Variants in CHD1L observed in about 807,000 individuals in gnomAD.
CHD1L encodes chromodomain helicase DNA binding protein 1 like, also known as ATP-dependent chromatin remodeler CHD1L.
A neutral mutation model predicts 115.9 loss-of-function variants in CHD1L; 118 were observed. That is an observed-to-expected ratio of 1.02 (90% CI 0.88 to 1.19). CHD1L has a LOEUF of 1.19. Ranked by LOEUF, CHD1L falls within the 50% of genes most tolerant of loss-of-function variation. CHD1L has a pLI of 0.00. For synonymous variants in CHD1L, 411 were observed against 387.1 expected (o/e 1.06, Z -0.72); for missense variants, 1,179 against 1,065.3 (o/e 1.11, Z -1.49).
the CHD1L span, chr1:147,187,079 C>T: frequency 6.2e-7 from 1 of 1,614,048 alleles, no homozygotes; most frequent in Non-Finnish European, 8.5e-7. Context: ...GGGCCCTGTA[C>T]ACGATAGTGG....
chr1:147,255,991 C>T, intron 4 of CHD1L, 64 bp downstream of exon 4: 1 of 1,112,768 alleles, frequency 9.0e-7, no homozygotes, highest in Non-Finnish European at 1.3e-6. Context: ...GTAGAGTCTG[C>T]TGAAATTATA....
intron 15 of CHD1L, among the ~76,000 whole-genome samples, chr1:147,283,909 T>C (rs1260649965): frequency 6.6e-6 from 1 of 152,214 alleles, no homozygotes; most frequent in African/African-American, 2.4e-5. Flanking sequence ...AAGAATATTG[T>C]AAATCCAAGG....
At chr1:147,267,224 T>C (rs1463304659) in intron 8 of CHD1L, among the ~76,000 whole-genome samples, 1 of 152,228 alleles carries the variant, frequency 6.6e-6, no homozygotes, top group African/African-American at 2.4e-5. Flanking sequence ...TGAGGGTCTT[T>C]CTTAAAACAA....
At chr1:147,194,335 C>T in the CHD1L span, among the ~76,000 whole-genome samples, 2 of 152,200 alleles carry the variant, frequency 1.3e-5, no homozygotes, top group Non-Finnish European at 2.9e-5. Flanking sequence ...GCAACCCCTG[C>T]CTTTTTTTGT....
At position 147,264,531 on chromosome 1, in the gene CHD1L, A is replaced by G. The variant is rs782636756; in HGVS notation, c.686A>G (p.Glu229Gly). The G allele has an allele frequency of 6.2e-6, 10 of 1,613,962 alleles. No homozygotes were observed. The Admixed American group carries it at 1.5e-4, about 24-fold the overall frequency. The change falls in exon 7 of 23, where the codon GAG becomes GGG. Residue 229 changes from glutamate (E) to glycine (G), a missense_variant. By Grantham distance (98) the Glu-to-Gly change is moderately conservative (BLOSUM62 -2). Transcript: ENST00000369258. ...GAGCCTGATCTCTTTTCCAAGGAAG[A>G]GGTGGGAGATTTTATTCAACGCTAC... ...FVEPDLFSKE[E>G]VGDFIQRYQD...
In CHD1L at chr1:147,276,313, G is replaced by A. The variant is rs1250767599; in HGVS notation, c.1539+56G>A. ...GAATATACCAATACCCTTTGTGGAG[G>A]AGAATGTAAATGAAAAGAACCAGCA... is the stretch of plus-strand genomic sequence containing the variant. On this transcript the variant is annotated intron_variant, in intron 14 of 22. Coordinates refer to ENST00000369258, the MANE Select transcript of CHD1L (RefSeq NM_004284.6). 3 of 1,568,050 alleles carry A rather than the reference G, an allele frequency of 1.9e-6. No homozygotes were observed. In the East Asian group the frequency reaches 6.8e-5, roughly 35 times the overall value.
intron 14 of CHD1L, among the ~76,000 whole-genome samples, chr1:147,279,482 G>A (rs782518449): frequency 8.5e-5 from 13 of 152,152 alleles, no homozygotes; most frequent in Non-Finnish European, 1.5e-4. Flanking sequence ...AAAGGCCTTC[G>A]GGTCTGGTGG....
rs782519428 is a variant in CHD1L at position 147,255,869 on chromosome 1, GC to G, written c.406del (p.Leu136PhefsTer5). 1 of 1,613,878 alleles carries G rather than the reference GC, an allele frequency of 6.2e-7. No individual in the cohort carries two copies. The highest frequency in any genetic ancestry group is 8.5e-7 in the Non-Finnish European group (1 of 1,179,850). ...GCAGGCGACAAGGAGGAAAGAGCCT[GC>G]CTTCAGCAAGACCTGAAACAGGAGT... ...TYAGDKEERACLQQDLKQESR... is the reference protein window; with the variant it reads ...TYAGDKEERAXLQQDLKQESR... On this transcript the variant is annotated frameshift_variant, in exon 4 of 23. Transcript: ENST00000369258. LOFTEE classifies it high-confidence loss of function.
chr1:147,279,921 G>A, intron 14 of CHD1L, 105 bp from the exon 15 acceptor site: 2 of 1,168,638 alleles, frequency 1.7e-6, no homozygotes, highest in Non-Finnish European at 1.2e-6. Context: ...CTGTTCATTA[G>A]AGAAGGACTG....
the CHD1L span, chr1:147,203,214 G>A: frequency 2.4e-5 from 21 of 876,952 alleles, no homozygotes; most frequent in Non-Finnish European, 3.2e-5. Context: ...AAAACATCAC[G>A]CGATTCTTAG....
rs375996768 is a variant in CHD1L, at chr1:147,276,187, C to T, written c.1469C>T (p.Thr490Ile). 45 of 1,614,072 alleles carry T rather than the reference C, an allele frequency of 2.8e-5. No individual in the cohort carries two copies. The highest frequency in any genetic ancestry group is 3.5e-5 in the Non-Finnish European group (41 of 1,180,026). The change falls in exon 14 of 23, where the codon ACC becomes ATC. Residue 490 changes from threonine (T) to isoleucine (I), a missense_variant. Thr to Ile is a moderately conservative substitution (Grantham distance 89). Coordinates refer to ENST00000369258, the MANE Select transcript of CHD1L (RefSeq NM_004284.6). ...AAAGCAGCCTCCAAACTGCAGCTCA[C>T]CAACATGATCATAGAAGGAGGCCAT... ...YRKAASKLQL[T>I]NMIIEGGHFT...
At chr1:147,277,361 T>C (rs1216955450) in intron 14 of CHD1L, among the ~76,000 whole-genome samples, 1 of 152,158 alleles carries the variant, frequency 6.6e-6, no homozygotes, top group Non-Finnish European at 1.5e-5. Context: ...AAGTTTGTAA[T>C]TAGTCTGAAA....
At chr1:147,215,737 C>A in the CHD1L span, 3 of 1,559,938 alleles carry the variant, frequency 1.9e-6, no homozygotes, top group Non-Finnish European at 2.6e-6. Flanking sequence ...CACAAAGATA[C>A]CCACACAATT....
At chr1:147,263,199 A>G (rs1352231917) in intron 6 of CHD1L, among the ~76,000 whole-genome samples, 1 of 152,074 alleles carries the variant, frequency 6.6e-6, no homozygotes, top group East Asian at 1.9e-4. Flanking sequence ...AGGCCGAGGC[A>G]GGAAGATCAC....
chr1:147,242,765 A>G lies in CHD1L; in HGVS notation c.62A>G (p.His21Arg), dbSNP rs1665120827. ...GQAPGFLLRL[H>R]TEGRAEAARV... is the part of the protein sequence containing the mutation. ...GCCCCTGGCTTCTTACTGCGGCTTC[A>G]TACTGAGGGCCGAGCCGAGGCGGCG... Residue 21 changes from histidine to arginine, a missense_variant, in exon 1 of 23, where the codon CAT (histidine) becomes CGT (arginine). Transcript: ENST00000369258. 1.6e-6 allele frequency: 2 copies of G among 1,269,222 alleles called. No homozygotes were observed. Among genetic ancestry groups the G allele is most frequent in the Non-Finnish European group, 2.0e-6 (2 of 1,000,300 alleles). 78.6% of individuals were successfully genotyped at this position (1,269,222 alleles called of 1,614,324 possible).
rs7534963 is a variant in CHD1L, at chr1:147,276,403, G to A, written c.1539+146G>A. On this transcript the variant is annotated intron_variant, in intron 14 of 22. Transcript: ENST00000369258. ...CCTCACACCTGCCACAGTGCTGGCT[G>A]TGTGCAGGGTCTGTAGGAAGTAAGG... 2,861 of 781,116 alleles carry A rather than the reference G, an allele frequency of 3.7e-3. 60 individuals carry two copies. In the African/African-American group the frequency reaches 0.043, roughly 12 times the overall value. The allele number at this position is 781,116 out of a possible 1,614,324, so 48.4% of individuals were successfully genotyped here. A position where few individuals can be genotyped will look rare whatever the true frequency, so the allele number is the denominator to read the frequency against.
intron 14 of CHD1L, among the ~76,000 whole-genome samples, chr1:147,276,526 C>T (rs587676345): frequency 6.6e-6 from 1 of 152,276 alleles, no homozygotes; most frequent in Admixed American, 6.5e-5. Context: ...AATAAAGACA[C>T]CACAGGTTAG....
the CHD1L span, among the ~76,000 whole-genome samples, chr1:147,237,408 A>G: frequency 6.6e-6 from 1 of 151,564 alleles, no homozygotes; most frequent in Non-Finnish European, 1.5e-5. Flanking sequence ...GACATGACTC[A>G]GGCAGCTGCA....
the CHD1L span, chr1:147,186,741 G>C: frequency 7.0e-7 from 1 of 1,435,516 alleles, no homozygotes; most frequent in Non-Finnish European, 9.1e-7. Flanking sequence ...ATGGAAAACA[G>C]GTTTCATTGT....
Sources: allele counts gnomAD v4.1 joint callset (sites outside exome capture counted in the v4.1 genomes callset), GRCh38; gene constraint gnomAD v4.1.1; transcripts MANE v1.5; gene names NCBI Gene and HGNC (gene_info 2026-07-23, HGNC 2026-07-21).